Variants in TG observed in about 807,000 individuals in gnomAD.
The protein encoded by TG is thyroid hormones.
A neutral mutation model predicts 324.7 loss-of-function variants in TG; 270 were observed. The observed-to-expected ratio is 0.83, with a 90% CI of 0.75 to 0.92. TG has a LOEUF of 0.92. Ranked by LOEUF, TG falls within the 40% of genes least tolerant of loss-of-function variation. The pLI, the probability that TG is intolerant of heterozygous loss-of-function variation, is 0.00. For synonymous variants in TG, 1,401 were observed against 1,327.0 expected (o/e 1.06, Z -1.21); for missense variants, 3,591 against 3,456.4 (o/e 1.04, Z -0.98).
chr8:132,911,337 A>G, intron 18 of TG, 40 bp from the exon 19 acceptor site: 2 of 1,614,014 alleles, frequency 1.2e-6, no homozygotes, highest in Non-Finnish European at 1.7e-6. Context: ...CTAGCTTTCT[A>G]CTCTGTGTTC....
intron 41 of TG, chr8:133,087,819 A>G (rs1177438024): frequency 6.6e-6 from 1 of 152,160 alleles, no homozygotes; most frequent in Admixed American, 6.5e-5. Context: ...GATGCCTGTG[A>G]ATGTCACGTG....
Position 133,022,071 on chromosome 8 carries a change from C to A in TG, c.6957C>A (p.Gly2319=), listed in dbSNP as rs1481701492. The A allele has an allele frequency of 3.1e-6, 5 of 1,614,080 alleles. 1 individual carries two copies. The Admixed American group carries it at 6.7e-5, about 22-fold the overall frequency. ...EESEGWPAID[G]SFLAAVGNLI... Reference sequence around the variant, plus strand: ...GTGAAGGATGGCCGGCTATCGACGGCTCCTTCTTGGCTGCTGTTGGCAACC... The same window carrying A: ...GTGAAGGATGGCCGGCTATCGACGGATCCTTCTTGGCTGCTGTTGGCAACC... Residue 2319 remains glycine, a synonymous_variant, in exon 40 of 48, where the codon GGC becomes GGA. Transcript: ENST00000220616.
chr8:133,114,328 A>T lies in TG; in HGVS notation c.7754+725A>T, dbSNP rs139660290. The stretch of plus-strand genomic sequence containing the variant: ...AAGGCTGCCAAACCCCCACCCCAAG[A>T]TGGCTAAAGGCTGCAGCCCCCAGGC... On this transcript the variant is annotated intron_variant, in intron 44 of 47. Transcript: ENST00000220616. 4.9e-4 allele frequency among the ~76,000 whole-genome samples: 75 copies of T among 152,202 alleles called. No individual in the cohort carries two copies. In the East Asian group the frequency reaches 0.014, roughly 29 times the overall value.
chr8:132,951,567 G>T (rs766982869), intron 27 of TG, among the ~76,000 whole-genome samples: 1 of 152,222 alleles, frequency 6.6e-6, no homozygotes. Flanking sequence ...GCCTCCCAGA[G>T]TAGCGGTTAC....
At chr8:132,966,943 TCACCCATC>T (rs1336932877) in intron 30 of TG, among the ~76,000 whole-genome samples, 1 of 152,006 alleles carries the variant, frequency 6.6e-6, no homozygotes, top group East Asian at 1.9e-4. Context: ...ATCCGTCCAT[TCACCCATC>T]CATCCATCCA....
intron 34 of TG, among the ~76,000 whole-genome samples, chr8:132,976,000 A>T (rs1212179656): frequency 6.6e-6 from 1 of 152,214 alleles, no homozygotes; most frequent in African/African-American, 2.4e-5. Context: ...GGCACTGTGG[A>T]AAGTGAGATT....
chr8:133,043,976 C>G (rs1024575359), intron 41 of TG, among the ~76,000 whole-genome samples: 3 of 152,126 alleles, frequency 2.0e-5, no homozygotes, highest in African/African-American at 7.2e-5. Context: ...TGGGAGCTCA[C>G]GATTATGGGC....
At chr8:132,915,351 A>G (rs750539118) in intron 20 of TG, among the ~76,000 whole-genome samples, 4 of 152,170 alleles carry the variant, frequency 2.6e-5, no homozygotes, top group Admixed American at 6.5e-5. Context: ...CAGGTAAAAT[A>G]AAGGGGCTGG....
rs2130436150 is a variant in TG at position 133,134,656 on chromosome 8, T to A, written c.8189-20T>A. The stretch of plus-strand genomic sequence containing the variant: ...GTCCTAATCTGGCTTGGACCAACCT[T>A]CCTTGCCCCTCTGTTTCAGATGGAG... On this transcript the variant is annotated intron_variant, in intron 47 of 47. Coordinates refer to ENST00000220616, the MANE Select transcript of TG (RefSeq NM_003235.5). 1 of 1,609,952 alleles carries A rather than the reference T, an allele frequency of 6.2e-7. No individual in the cohort carries two copies. The highest frequency in any genetic ancestry group is 1.1e-5 in the South Asian group (1 of 91,004).
intron 22 of TG, among the ~76,000 whole-genome samples, chr8:132,925,668 C>T (rs1821767749): frequency 6.6e-6 from 1 of 152,102 alleles, no homozygotes; most frequent in Non-Finnish European, 1.5e-5. Flanking sequence ...ATCAGTTAGC[C>T]AGATGCTTCA....
At chr8:133,012,539 G>T (rs576451465) in intron 36 of TG, among the ~76,000 whole-genome samples, 1 of 152,160 alleles carries the variant, frequency 6.6e-6, no homozygotes, top group African/African-American at 2.4e-5. Context: ...GTCATTGTTG[G>T]TATTTAAACA....
chr8:133,062,456 C>G (rs1202115029), intron 41 of TG, among the ~76,000 whole-genome samples: 1 of 152,292 alleles, frequency 6.6e-6, no homozygotes, highest in African/African-American at 2.4e-5. Flanking sequence ...GTTCAGCAGA[C>G]ACTTCCTGGG....
At chr8:132,970,131 A>C (rs1212348835) in intron 32 of TG, among the ~76,000 whole-genome samples, 2 of 152,000 alleles carry the variant, frequency 1.3e-5, no homozygotes, top group Non-Finnish European at 2.9e-5. Context: ...GATTGTCAAA[A>C]CCTCACATTG....
intron 41 of TG, among the ~76,000 whole-genome samples, chr8:133,077,301 C>G (rs1045610052): frequency 6.6e-6 from 1 of 152,088 alleles, no homozygotes; most frequent in Non-Finnish European, 1.5e-5. Flanking sequence ...CAAGGGGTCC[C>G]GTTCACAGGA....
At chr8:132,906,955 T>C in intron 17 of TG, 55 bp downstream of exon 17, 1 of 1,545,390 alleles carries the variant, frequency 6.5e-7, no homozygotes, top group Non-Finnish European at 8.8e-7. Context: ...GGGCTAGGGC[T>C]GGGACCGAGA....
chr8:133,115,121 C>A (rs540599504), intron 44 of TG, among the ~76,000 whole-genome samples: 10 of 150,894 alleles, frequency 6.6e-5, no homozygotes, highest in South Asian at 2.1e-4. Flanking sequence ...GGCTAGAGAT[C>A]AAAAAACCTA....
chr8:132,977,829 C>CT (rs1830363729), intron 34 of TG, among the ~76,000 whole-genome samples: 1 of 152,160 alleles, frequency 6.6e-6, no homozygotes, highest in African/African-American at 2.4e-5. Flanking sequence ...CCATATCACA[C>CT]TAGGTCCCCT....
At chr8:133,091,696 G>T (rs1315416423) in intron 41 of TG, among the ~76,000 whole-genome samples, 4 of 151,914 alleles carry the variant, frequency 2.6e-5, no homozygotes, top group Non-Finnish European at 5.9e-5. Context: ...GTGTGTGTTT[G>T]TGTGTCCTTC....
chr8:132,937,529 C>A (rs1472030223), intron 25 of TG, among the ~76,000 whole-genome samples: 5 of 152,060 alleles, frequency 3.3e-5, no homozygotes, highest in African/African-American at 4.8e-5. Flanking sequence ...TGACTAGGGT[C>A]ACTCGGATCT....
Sources: gnomAD v4.1 joint callset for allele counts (sites outside exome capture counted in the v4.1 genomes callset) on GRCh38, gnomAD v4.1.1 for gene constraint, MANE v1.5 for transcripts, NCBI Gene and HGNC (gene_info 2026-07-23, HGNC 2026-07-21) for gene names.